OCA2: variants seen among roughly 807,000 people sequenced by gnomAD.
OCA2 encodes the protein OCA2 melanosomal transmembrane protein.
Under a neutral mutation model 100.2 loss-of-function variants are expected in OCA2, and 77 were observed. The ratio of observed to expected loss-of-function variants is 0.77; its 90% CI spans 0.64 to 0.93. The LOEUF (loss-of-function observed/expected upper bound fraction) is 0.93. Among genes scored for constraint, OCA2 ranks in the 40% least tolerant of loss-of-function variants. The probability of loss-of-function intolerance (pLI) is 0.00; values close to 1 mark genes in which losing one functional copy is unlikely to be tolerated. For synonymous variants in OCA2, 432 were observed against 439.2 expected, an observed-to-expected ratio of 0.98 and a Z score of 0.21; for missense variants, 1,062 against 1,089.1, an observed-to-expected ratio of 0.98 and a Z score of 0.35.
At chr15:27,743,699 G>A in the OCA2 span, among the ~76,000 whole-genome samples, 7 of 152,154 alleles carry the variant, frequency 4.6e-5, no homozygotes, top group Non-Finnish European at 1.0e-4. Context: ...TAGGACAAGT[G>A]GGTTTCGATC....
intron 2 of OCA2, among the ~76,000 whole-genome samples, chr15:28,056,886 A>G (rs1211153379): frequency 2.0e-5 from 3 of 152,212 alleles, no homozygotes; most frequent in Non-Finnish European, 4.4e-5. Context: ...GGACAGGGAC[A>G]TAGGCCAGTG....
At chr15:28,089,029 G>A (rs533449990) in intron 1 of OCA2, among the ~76,000 whole-genome samples, 22 of 152,260 alleles carry the variant, frequency 1.4e-4, no homozygotes, top group Admixed American at 1.2e-3. Context: ...CCATTCCAGA[G>A]GCCTCCCCTT....
chr15:27,793,696 AG>A (rs1345055781), intron 23 of OCA2, among the ~76,000 whole-genome samples: 1 of 152,230 alleles, frequency 6.6e-6, no homozygotes, highest in African/African-American at 2.4e-5. Flanking sequence ...TGAAGTCTAC[AG>A]GGTTAAGAAC....
the OCA2 span, among the ~76,000 whole-genome samples, chr15:27,738,555 G>A: frequency 2.6e-5 from 4 of 152,128 alleles, no homozygotes; most frequent in African/African-American, 9.7e-5. Flanking sequence ...CTAACACGGT[G>A]AAACCCCGTC....
chr15:27,890,019 G>A (rs79733329), intron 19 of OCA2, among the ~76,000 whole-genome samples: 10,786 of 152,196 alleles, frequency 0.071, 1,270 homozygotes, highest in African/African-American at 0.24. Flanking sequence ...ACATCCTCAC[G>A]CAGTGGAAGA....
intron 14 of OCA2, among the ~76,000 whole-genome samples, chr15:27,971,088 G>A (rs1356072008): frequency 6.6e-6 from 1 of 151,232 alleles, no homozygotes; most frequent in Non-Finnish European, 1.5e-5. Flanking sequence ...GAACGCCCCA[G>A]CATGCCCGGC....
chr15:28,044,387 G>A (rs35389407), intron 2 of OCA2, among the ~76,000 whole-genome samples: 59,452 of 152,028 alleles, frequency 0.39, 18,966 homozygotes, highest in East Asian at 0.89. Context: ...GAAAACCACT[G>A]GCCTTCCTGG....
At chr15:27,797,730 C>T (rs1026851295) in intron 23 of OCA2, among the ~76,000 whole-genome samples, 1 of 152,190 alleles carries the variant, frequency 6.6e-6, no homozygotes, top group Non-Finnish European at 1.5e-5. Flanking sequence ...CAGCAGCAGA[C>T]AGAACCAGGT....
intron 2 of OCA2, among the ~76,000 whole-genome samples, chr15:28,073,238 AC>A (rs1169675050): frequency 6.6e-6 from 1 of 152,142 alleles, no homozygotes; most frequent in African/African-American, 2.4e-5. Context: ...ACACGGTGAA[AC>A]CCCGTCTCTA....
rs190718662 is a variant in OCA2 at position 28,028,613 on chromosome 15, G to A, written c.327-554C>T. Among the ~76,000 whole-genome samples, 261 of 152,286 alleles carry A rather than the reference G, an allele frequency of 1.7e-3. 1 individual carries two copies. Among genetic ancestry groups the A allele is most frequent in the African/African-American group, 6.0e-3 (250 of 41,572 alleles). On this transcript the variant is annotated intron_variant, in intron 3 of 23. Transcript: ENST00000354638. Reference sequence around the variant, plus strand: ...TGGGGCCTATATCTAGATGACTCAAGGGGAATCATAAACTTTTCTCAGAAT... The same window carrying A: ...TGGGGCCTATATCTAGATGACTCAAAGGGAATCATAAACTTTTCTCAGAAT...
At chr15:27,754,569 C>T (rs1249282979), downstream of OCA2, among the ~76,000 whole-genome samples, 4 of 152,156 alleles carry the variant, frequency 2.6e-5, no homozygotes, top group African/African-American at 9.7e-5. Flanking sequence ...TTACCCTTAC[C>T]TCACAAGGAA....
At position 28,069,931 on chromosome 15, in the gene OCA2, G is replaced by C. The variant is rs1211882283; in HGVS notation, c.227+11717C>G. On this transcript the variant is annotated intron_variant, in intron 2 of 23. Transcript: ENST00000354638. ...TGGAAAGTAAGGAGCATCTCCGCCCGGCCGCCATCCCATCTAGGAAGTGAG... is the reference window on the plus strand; with the variant it reads ...TGGAAAGTAAGGAGCATCTCCGCCCCGCCGCCATCCCATCTAGGAAGTGAG... Among the ~76,000 whole-genome samples the C allele has an allele frequency of 2.4e-4, 29 of 122,620 alleles. 1 individual carries two copies. Among genetic ancestry groups the C allele is most frequent in the Admixed American group, 1.8e-3 (24 of 13,482 alleles). 80.4% of individuals were successfully genotyped at this position (122,620 alleles called of 152,430 possible).
intron 23 of OCA2, chr15:27,775,480 T>A (rs986264093): frequency 9.2e-5 from 14 of 152,576 alleles, no homozygotes; most frequent in African/African-American, 3.4e-4. Flanking sequence ...CTCCTCGTAC[T>A]CCGTACTGCA....
At chr15:28,032,218 TCCCAGCACTCA>T in intron 2 of OCA2, 55 bp from the exon 3 acceptor site, 3 of 1,292,474 alleles carry the variant, frequency 2.3e-6, no homozygotes, top group African/African-American at 1.5e-5. Flanking sequence ...ATGTATGTGT[TCCCAGCACTCA>T]GGTGCTAGAT....
chr15:27,923,811 G>A (rs1011925918), intron 19 of OCA2, among the ~76,000 whole-genome samples: 2 of 152,046 alleles, frequency 1.3e-5, no homozygotes, highest in Non-Finnish European at 2.9e-5. Context: ...CCATTCTGTA[G>A]ATTGTTTACT....
intron 23 of OCA2, among the ~76,000 whole-genome samples, chr15:27,835,430 C>A (rs1007061401): frequency 1.3e-5 from 2 of 152,222 alleles, no homozygotes; most frequent in East Asian, 1.9e-4. Context: ...TGGGCCCCCA[C>A]AACCTGGACA....
intron 9 of OCA2, among the ~76,000 whole-genome samples, chr15:28,004,103 C>A (rs1404473744): frequency 6.6e-6 from 1 of 152,256 alleles, no homozygotes; most frequent in Non-Finnish European, 1.5e-5. Flanking sequence ...GTCACTGATC[C>A]TTCCATTTAC....
intron 19 of OCA2, among the ~76,000 whole-genome samples, chr15:27,904,713 G>A (rs935270314): frequency 2.6e-5 from 4 of 152,140 alleles, no homozygotes; most frequent in Non-Finnish European, 4.4e-5. Flanking sequence ...AAAGTACAAG[G>A]ACAAGGCCAG....
intron 7 of OCA2, among the ~76,000 whole-genome samples, chr15:28,016,563 G>A (rs1221154348): frequency 6.6e-6 from 1 of 152,240 alleles, no homozygotes; most frequent in Non-Finnish European, 1.5e-5. Flanking sequence ...AGGATCACTT[G>A]AGGCCAAGAG....
Sources: allele counts gnomAD v4.1 joint callset (sites outside exome capture counted in the v4.1 genomes callset), GRCh38; gene constraint gnomAD v4.1.1; transcripts MANE v1.5; gene names NCBI Gene and HGNC (gene_info 2026-07-23, HGNC 2026-07-21).